WASHC3: variants seen among roughly 807,000 people sequenced by gnomAD.
The protein encoded by WASHC3 is WASH complex subunit 3, also known as WASH complex subunit CCDC53.
WASHC3 carries 24 observed loss-of-function variants against 26.1 expected under a neutral mutation model. The observed-to-expected ratio is 0.92, with a 90% CI of 0.66 to 1.29. The LOEUF is 1.29. WASHC3 is among the 50% of genes most tolerant of loss of function. The probability of loss-of-function intolerance (pLI) is 0.00; values close to 1 mark genes in which losing one functional copy is unlikely to be tolerated. For synonymous variants in WASHC3, 77 were observed against 75.7 expected (o/e 1.02, Z -0.09); for missense variants, 214 against 229.6 (o/e 0.93, Z 0.44).
rs925483839 is a variant in WASHC3, at chr12:102,056,999, T to C, written c.150+4249A>G. On this transcript the variant is annotated intron_variant, in intron 2 of 6. Coordinates refer to ENST00000240079, the MANE Select transcript of WASHC3 (RefSeq NM_016053.4). ...CAAAGGTCAATATCCCCAGTGAACA[T>C]AGAAGCAAAAATCCTCTACAAAATA... Among the ~76,000 whole-genome samples, 49 of 152,070 alleles carry C rather than the reference T, an allele frequency of 3.2e-4. 1 individual carries two copies. The highest frequency in any genetic ancestry group is 3.0e-3 in the Admixed American group (46 of 15,266).
At chr12:102,034,960 C>A (rs190303276) in intron 5 of WASHC3, among the ~76,000 whole-genome samples, 2 of 152,024 alleles carry the variant, frequency 1.3e-5, no homozygotes, top group South Asian at 4.1e-4. Flanking sequence ...AGGACAATAA[C>A]CGTAAATCAA....
chr12:102,061,643 C>T (rs1332548678), intron 1 of WASHC3, among the ~76,000 whole-genome samples: 4 of 152,204 alleles, frequency 2.6e-5, no homozygotes, highest in Admixed American at 2.6e-4. Flanking sequence ...GGCTAGCTAT[C>T]GCAACCGGCG....
chr12:102,028,601 A>G (rs2121360377), intron 5 of WASHC3, among the ~76,000 whole-genome samples: 1 of 152,172 alleles, frequency 6.6e-6, no homozygotes, highest in South Asian at 2.1e-4. Flanking sequence ...GAGGTTGAAA[A>G]AAAAATTTCC....
At chr12:102,039,653 CTA>C (rs1253678432) in intron 5 of WASHC3, among the ~76,000 whole-genome samples, 1 of 149,790 alleles carries the variant, frequency 6.7e-6, no homozygotes, top group Non-Finnish European at 1.5e-5. Flanking sequence ...CTATATTAAA[CTA>C]TGTTAATTTA....
At chr12:102,049,733 C>T (rs79078746) in intron 2 of WASHC3, among the ~76,000 whole-genome samples, 5,731 of 152,162 alleles carry the variant, frequency 0.038, 148 homozygotes, top group African/African-American at 0.07. Context: ...CACTGTGTTG[C>T]GTGTGCCCCA....
At chr12:102,054,741 A>G (rs893654656) in intron 2 of WASHC3, among the ~76,000 whole-genome samples, 2 of 152,240 alleles carry the variant, frequency 1.3e-5, no homozygotes, top group African/African-American at 4.8e-5. Flanking sequence ...TGAAACCAGA[A>G]ATCAATAATA....
intron 2 of WASHC3, among the ~76,000 whole-genome samples, chr12:102,052,906 A>G (rs568490406): frequency 4.0e-5 from 6 of 151,784 alleles, no homozygotes; most frequent in Non-Finnish European, 5.9e-5. Flanking sequence ...CTCAGGCTCC[A>G]GTCTGGCCCC....
At chr12:102,025,547 A>T (rs1448002190) in intron 6 of WASHC3, among the ~76,000 whole-genome samples, 1 of 151,990 alleles carries the variant, frequency 6.6e-6, no homozygotes, top group Non-Finnish European at 1.5e-5. Flanking sequence ...ATTATAGCAG[A>T]CTAAATTTCC....
chr12:102,031,617 G>A (rs887162437), intron 5 of WASHC3, among the ~76,000 whole-genome samples: 6 of 152,042 alleles, frequency 3.9e-5, no homozygotes, highest in Admixed American at 1.3e-4. Flanking sequence ...GCAAATCAAA[G>A]TCATTGGTCA....
chr12:102,014,664 A>G (rs1876622067), intron 6 of WASHC3, among the ~76,000 whole-genome samples: 1 of 152,226 alleles, frequency 6.6e-6, no homozygotes, highest in Non-Finnish European at 1.5e-5. Context: ...TTATATCTAC[A>G]AGGAAGCATT....
At chr12:102,041,951 A>C (rs1177782308) in intron 4 of WASHC3, among the ~76,000 whole-genome samples, 1 of 152,114 alleles carries the variant, frequency 6.6e-6, no homozygotes, top group African/African-American at 2.4e-5. Flanking sequence ...TTGGGACATT[A>C]AATATGTGAG....
chr12:102,031,025 G>T (rs972376611), intron 5 of WASHC3, among the ~76,000 whole-genome samples: 1 of 152,180 alleles, frequency 6.6e-6, no homozygotes, highest in Non-Finnish European at 1.5e-5. Context: ...TACACAGTAT[G>T]ACTGGTTCTA....
At chr12:102,037,579 C>A (rs12297777) in intron 5 of WASHC3, among the ~76,000 whole-genome samples, 2,836 of 151,964 alleles carry the variant, frequency 0.019, 91 homozygotes, top group African/African-American at 0.066. Flanking sequence ...ACAGGGGCTG[C>A]CAATGTATTT....
chr12:102,056,623 T>C (rs1878603120), intron 2 of WASHC3, among the ~76,000 whole-genome samples: 1 of 152,182 alleles, frequency 6.6e-6, no homozygotes, highest in Non-Finnish European at 1.5e-5. Context: ...TGAAGGCTCA[T>C]AAGAGATTGC....
rs538707520 is a variant in WASHC3 at position 102,027,480 on chromosome 12, G to A, written c.436-1442C>T. On this transcript the variant is annotated intron_variant, in intron 5 of 6. Coordinates refer to ENST00000240079, the MANE Select transcript of WASHC3 (RefSeq NM_016053.4). ...AATATGAAAAGTCTTCAAAGTTAAG[G>A]ACACTATATATAACAGAGTATCTTG... 8.5e-5 allele frequency among the ~76,000 whole-genome samples: 13 copies of A among 152,188 alleles called. No homozygotes were observed. The East Asian group carries it at 2.5e-3, about 29-fold the overall frequency.
chr12:102,016,025 G>C (rs986444817), intron 6 of WASHC3, among the ~76,000 whole-genome samples: 2 of 152,040 alleles, frequency 1.3e-5, no homozygotes, highest in Admixed American at 1.3e-4. Context: ...GAGTAGCTGA[G>C]ACTACAGGCA....
chr12:102,043,009 T>G (rs961576184), intron 4 of WASHC3, among the ~76,000 whole-genome samples: 3 of 152,138 alleles, frequency 2.0e-5, no homozygotes, highest in African/African-American at 7.2e-5. Context: ...AAATGTAAAG[T>G]ATAGCTTTTA....
At chr12:102,027,274 A>C (rs1391546984) in intron 5 of WASHC3, among the ~76,000 whole-genome samples, 1 of 152,170 alleles carries the variant, frequency 6.6e-6, no homozygotes, top group East Asian at 1.9e-4. Flanking sequence ...AATACTTAGA[A>C]ATATACACAA....
In WASHC3 at chr12:102,050,191, G is replaced by A. The variant is rs192228132; in HGVS notation, c.151-4072C>T. 1.1e-4 allele frequency: 44 copies of A among 383,866 alleles called. No homozygotes were observed. In the East Asian group the frequency reaches 3.6e-3, roughly 31 times the overall value. 23.8% of individuals were successfully genotyped at this position (383,866 alleles called of 1,614,324 possible). ...TAGCCAGGTGTGGTGGCACGCACCT[G>A]TAGTTCCAGCTACTTGGGGCGCTGA... On this transcript the variant is annotated intron_variant, in intron 2 of 6. Coordinates refer to ENST00000240079, the MANE Select transcript of WASHC3 (RefSeq NM_016053.4).
Sources: gnomAD v4.1 joint callset for allele counts (sites outside exome capture counted in the v4.1 genomes callset) on GRCh38, gnomAD v4.1.1 for gene constraint, MANE v1.5 for transcripts, NCBI Gene and HGNC (gene_info 2026-07-23, HGNC 2026-07-21) for gene names.